Variants in ANKRD31 observed in about 807,000 individuals in gnomAD.
ANKRD31 encodes ankyrin repeat domain 31.
ANKRD31 carries 147 observed loss-of-function variants against 186.0 expected under a neutral mutation model. That is an observed-to-expected ratio of 0.79 (90% CI 0.69 to 0.91). The LOEUF (loss-of-function observed/expected upper bound fraction) is 0.91, where lower values mean the gene tolerates loss of function less well. ANKRD31 is among the 40% of genes least tolerant of loss of function. The pLI is 0.00. For missense variants in ANKRD31, 1,986 were observed against 2,148.8 expected (o/e 0.92, Z 1.50); for synonymous variants, 673 against 736.4 (o/e 0.91, Z 1.39).
At chr5:75,210,276 C>G (rs1292579546) in intron 4 of ANKRD31, among the ~76,000 whole-genome samples, 2 of 152,154 alleles carry the variant, frequency 1.3e-5, no homozygotes, top group African/African-American at 4.8e-5. Flanking sequence ...CAGGCTCAAG[C>G]AATTCTCATG....
intron 17 of ANKRD31, among the ~76,000 whole-genome samples, chr5:75,129,763 G>A (rs190193251): frequency 5.9e-5 from 9 of 152,188 alleles, no homozygotes; most frequent in African/African-American, 2.2e-4. Context: ...GGAGGTACCA[G>A]GTTCATCTCA....
intron 2 of ANKRD31, 150 bp from the exon 3 acceptor site, chr5:75,222,508 A>G: frequency 1.5e-6 from 1 of 662,146 alleles, no homozygotes; most frequent in South Asian, 2.0e-5. Flanking sequence ...AAAACGAGAT[A>G]TATGTGCAGA....
chr5:75,208,442 C>T (rs1756393066), intron 4 of ANKRD31, among the ~76,000 whole-genome samples: 1 of 151,822 alleles, frequency 6.6e-6, no homozygotes, highest in Non-Finnish European at 1.5e-5. Context: ...TTTCTCTGAT[C>T]TTTTTTTCTT....
chr5:75,074,849 A>G (rs1744506669), intron 25 of ANKRD31, among the ~76,000 whole-genome samples: 1 of 152,222 alleles, frequency 6.6e-6, no homozygotes, highest in Non-Finnish European at 1.5e-5. Context: ...TATTTGAATC[A>G]TTTCAGGAAA....
At chr5:75,090,905 C>T (rs1745875948) in intron 23 of ANKRD31, among the ~76,000 whole-genome samples, 1 of 152,332 alleles carries the variant, frequency 6.6e-6, no homozygotes, top group Non-Finnish European at 1.5e-5. Context: ...GTTACCAATA[C>T]ACCAGTGGTT....
At chr5:75,217,690 G>C (rs1030485392) in intron 3 of ANKRD31, among the ~76,000 whole-genome samples, 2 of 152,152 alleles carry the variant, frequency 1.3e-5, no homozygotes, top group African/African-American at 4.8e-5. Context: ...GCATACCTCT[G>C]GGTCTTACCT....
chr5:75,225,094 T>C (rs1461261147), intron 2 of ANKRD31, among the ~76,000 whole-genome samples: 1 of 152,138 alleles, frequency 6.6e-6, no homozygotes. Flanking sequence ...ATTTGCTGCG[T>C]TGGTTGTAGG....
intron 25 of ANKRD31, among the ~76,000 whole-genome samples, chr5:75,072,782 T>TTTTGTG (rs1744343707): frequency 6.6e-6 from 1 of 152,182 alleles, no homozygotes; most frequent in South Asian, 2.1e-4. Flanking sequence ...CTCCACAAAA[T>TTTTGTG]ATGCCAATTT....
At chr5:75,214,130 C>T (rs973230931) in intron 3 of ANKRD31, among the ~76,000 whole-genome samples, 8 of 152,250 alleles carry the variant, frequency 5.3e-5, no homozygotes, top group East Asian at 3.9e-4. Flanking sequence ...CCTTTTAGAG[C>T]GTTCCCTCTG....
chr5:75,144,862 T>A (rs1751317002), intron 14 of ANKRD31, among the ~76,000 whole-genome samples: 1 of 152,068 alleles, frequency 6.6e-6, no homozygotes, highest in Non-Finnish European at 1.5e-5. Flanking sequence ...AAAGGGCTAA[T>A]ATCCAGAATT....
At chr5:75,103,766 G>T (rs1747103657) in intron 22 of ANKRD31, among the ~76,000 whole-genome samples, 1 of 152,192 alleles carries the variant, frequency 6.6e-6, no homozygotes, top group African/African-American at 2.4e-5. Flanking sequence ...ACCAAACGCT[G>T]CATGTTCTCA....
chr5:75,138,872 G>A lies in ANKRD31; in HGVS notation c.3707C>T (p.Ala1236Val), dbSNP rs1349086097. Reference sequence around the variant, plus strand: ...TGCATTATCATTTAGATTCACATCTGCTCCAGATTCTATCAGGGCTTTCAC... The same window carrying A: ...TGCATTATCATTTAGATTCACATCTACTCCAGATTCTATCAGGGCTTTCAC... ...PLVKALIESG[A>V]DVNLNDNAGW... Residue 1236 changes from alanine (A) to valine (V), a missense_variant, in exon 16 of 26, where the codon GCA (alanine) becomes GTA (valine). Transcript: ENST00000506364. 1 of 1,536,548 alleles carries A rather than the reference G, an allele frequency of 6.5e-7. No homozygotes were observed. Among genetic ancestry groups the A allele is most frequent in the Non-Finnish European group, 8.7e-7 (1 of 1,146,510 alleles).
At chr5:75,224,614 T>A (rs2150312478) in intron 2 of ANKRD31, among the ~76,000 whole-genome samples, 1 of 152,208 alleles carries the variant, frequency 6.6e-6, no homozygotes, top group East Asian at 1.9e-4. Context: ...AAAATAAAGT[T>A]TGAGCCCTAC....
chr5:75,137,963 A>G lies in ANKRD31; in HGVS notation c.3769T>C (p.Ser1257Pro). ...TPLHEASNEG[S>P]IDIIVELLKA... is the part of the protein sequence containing the mutation. ...AATAACTCTACAATTATATCAATAG[A>G]TCCTTCATTAGATGCCTCATGAAGT... is the stretch of plus-strand genomic sequence containing the variant. The change falls in exon 17 of 26, where the codon TCT (serine) becomes CCT (proline). Residue 1257 changes from serine (S) to proline (P), a missense_variant. Transcript: ENST00000506364. The G allele has an allele frequency of 6.6e-7, 1 of 1,526,258 alleles. No homozygotes were observed. The highest frequency in any genetic ancestry group is 8.7e-7 in the Non-Finnish European group (1 of 1,142,924). The allele number at this position is 1,526,258 out of a possible 1,614,324, so 94.5% of individuals were successfully genotyped here.
chr5:75,111,074 T>C (rs755738309), intron 20 of ANKRD31, among the ~76,000 whole-genome samples: 7 of 151,818 alleles, frequency 4.6e-5, no homozygotes, highest in Non-Finnish European at 4.4e-5. Context: ...TTTAGGAAGC[T>C]GTGGAACATT....
intron 9 of ANKRD31, among the ~76,000 whole-genome samples, chr5:75,191,762 C>T (rs867183712): frequency 3.9e-5 from 6 of 151,966 alleles, no homozygotes; most frequent in Middle Eastern, 6.9e-3. Flanking sequence ...AAGTATGATA[C>T]GTTTCTTATT....
At chr5:75,079,982 C>T (rs576177181) in intron 25 of ANKRD31, among the ~76,000 whole-genome samples, 55 of 152,198 alleles carry the variant, frequency 3.6e-4, no homozygotes, top group African/African-American at 1.2e-3. Flanking sequence ...CCTGCACTCC[C>T]AGCTACTTAG....
chr5:75,174,863 G>C (rs1479044013), intron 10 of ANKRD31, among the ~76,000 whole-genome samples: 2 of 152,188 alleles, frequency 1.3e-5, no homozygotes, highest in Non-Finnish European at 2.9e-5. Flanking sequence ...ATTTGACGCA[G>C]CCATCCCATT....
chr5:75,104,425 G>C lies in ANKRD31; in HGVS notation c.5134C>G (p.Leu1712Val), dbSNP rs768237186. ...GGAACAACAGAAACTGATTTTTTAA[G>C]ATATGGTTTCATCTGATGCACTGTA... Reference protein sequence around the residue: ...SDTVHQMKPYLKKSVSVVPCA... With the variant: ...SDTVHQMKPYVKKSVSVVPCA... The change falls in exon 22 of 26, where the codon CTT becomes GTT. Residue 1712 changes from leucine (L) to valine (V), a missense_variant. Coordinates refer to ENST00000506364, the MANE Select transcript of ANKRD31 (RefSeq NM_001372053.1). 6.5e-6 allele frequency: 10 copies of C among 1,537,064 alleles called. No homozygotes were observed. The highest frequency in any genetic ancestry group is 8.7e-6 in the Non-Finnish European group (10 of 1,146,908).
Sources: allele counts gnomAD v4.1 joint callset (sites outside exome capture counted in the v4.1 genomes callset), GRCh38; gene constraint gnomAD v4.1.1; transcripts MANE v1.5; gene names NCBI Gene and HGNC (gene_info 2026-07-23, HGNC 2026-07-21).